Variants in GATAD2B observed in about 807,000 individuals in gnomAD.
The protein encoded by GATAD2B is transcriptional repressor p66-beta.
A neutral mutation model predicts 64.3 loss-of-function variants in GATAD2B; 8 were observed. The ratio of observed to expected loss-of-function variants is 0.12; its 90% CI spans 0.07 to 0.22. The LOEUF is 0.22. GATAD2B is among the 10% of genes least tolerant of loss of function. The pLI is 1.00. For synonymous variants in GATAD2B, 281 were observed against 271.3 expected, an observed-to-expected ratio of 1.04 and a Z score of -0.35; for missense variants, 453 against 752.0, an observed-to-expected ratio of 0.60 and a Z score of 4.65.
At chr1:153,855,646 A>G (rs1209107694) in intron 1 of GATAD2B, among the ~76,000 whole-genome samples, 1 of 152,152 alleles carries the variant, frequency 6.6e-6, no homozygotes. Flanking sequence ...ATTAGGCTAA[A>G]TTCAAGGTAT....
chr1:153,808,504 A>C lies in GATAD2B; in HGVS notation c.*1673T>G, dbSNP rs1017610331. 6.6e-6 allele frequency: 1 copy of C among 152,634 alleles called. No individual in the cohort carries two copies. Among genetic ancestry groups the C allele is most frequent in the African/African-American group, 2.4e-5 (1 of 41,446 alleles). 9.5% of individuals were successfully genotyped at this position (152,634 alleles called of 1,614,324 possible). A position where few individuals can be genotyped will look rare whatever the true frequency, so the allele number is the denominator to read the frequency against. On this transcript the variant is annotated 3_prime_UTR_variant, in exon 11 of 11. Transcript: ENST00000368655. The stretch of plus-strand genomic sequence containing the variant: ...AAAATTACTTAATTTTAAAAAATAA[A>C]AGTGGGGAAACTTCCTCAGGTGACT...
intron 1 of GATAD2B, among the ~76,000 whole-genome samples, chr1:153,868,703 GT>G (rs1372072329): frequency 6.7e-6 from 1 of 149,926 alleles, no homozygotes; most frequent in Admixed American, 6.7e-5. Flanking sequence ...TTATTCACAT[GT>G]CACCAGTTTT....
chr1:153,886,174 T>G (rs1444790581), intron 1 of GATAD2B, among the ~76,000 whole-genome samples: 1 of 152,254 alleles, frequency 6.6e-6, no homozygotes, highest in Non-Finnish European at 1.5e-5. Context: ...TGTCCCCATT[T>G]TAACATACAG....
Position 153,818,187 on chromosome 1 carries a change from G to A in GATAD2B, c.598-16C>T. 6.3e-7 allele frequency: 1 copy of A among 1,582,138 alleles called. No individual in the cohort carries two copies. The highest frequency in any genetic ancestry group is 1.2e-5 in the South Asian group (1 of 86,892). Reference sequence around the variant, plus strand: ...CAACTGGAGTCTGGGAGAGGGAAGAGAAAATAAGACTGTGGCCAATAATCA... The same window carrying A: ...CAACTGGAGTCTGGGAGAGGGAAGAAAAAATAAGACTGTGGCCAATAATCA... On this transcript the variant is annotated splice_polypyrimidine_tract_variant and intron_variant, in intron 4 of 10. Transcript: ENST00000368655.
rs1557783180 is a variant in GATAD2B, at chr1:153,818,933, A to G, written c.466-11T>C. The G allele has an allele frequency of 1.2e-6, 2 of 1,607,498 alleles. No individual in the cohort carries two copies. Among genetic ancestry groups the G allele is most frequent in the Non-Finnish European group, 8.5e-7 (1 of 1,179,658 alleles). ...CTCAATGCCTTTCCCCTAAGGAAAC[A>G]AGAAGACTTTCAGCTATGGCAGCAA... On this transcript the variant is annotated splice_polypyrimidine_tract_variant and intron_variant, in intron 3 of 10. Coordinates refer to ENST00000368655, the MANE Select transcript of GATAD2B (RefSeq NM_020699.4).
chr1:153,839,386 AG>A (rs1675395389), intron 1 of GATAD2B, among the ~76,000 whole-genome samples: 1 of 152,126 alleles, frequency 6.6e-6, no homozygotes, highest in Admixed American at 6.6e-5. Flanking sequence ...TAACATATAT[AG>A]GAGTACCTGG....
chr1:153,922,386 G>A (rs1313547188), intron 1 of GATAD2B, among the ~76,000 whole-genome samples: 2 of 151,114 alleles, frequency 1.3e-5, no homozygotes, highest in Non-Finnish European at 1.5e-5. Flanking sequence ...GAAACGGGGC[G>A]TGAGGGAGGG....
chr1:153,867,869 C>CA lies in GATAD2B; in HGVS notation c.-1-39522dup, dbSNP rs1395046861. On this transcript the variant is annotated intron_variant, in intron 1 of 10. Transcript: ENST00000368655. ...AGTGAGACTCCGTCTCAAAAAACAA[C>CA]AAAAAAAAGAGTCACCATATTAGAA... is the stretch of plus-strand genomic sequence containing the variant. Among the ~76,000 whole-genome samples the CA allele has an allele frequency of 6.0e-5, 9 of 149,604 alleles. No homozygotes were observed. The South Asian group carries it at 6.4e-4, about 11-fold the overall frequency.
chr1:153,861,339 G>A (rs916793226), intron 1 of GATAD2B, among the ~76,000 whole-genome samples: 1 of 151,850 alleles, frequency 6.6e-6, no homozygotes, highest in African/African-American at 2.4e-5. Flanking sequence ...ATCACTTAAG[G>A]CCAGGAGTTC....
chr1:153,895,673 C>T (rs952370414), intron 1 of GATAD2B, among the ~76,000 whole-genome samples: 5 of 151,988 alleles, frequency 3.3e-5, no homozygotes, highest in Admixed American at 1.3e-4. Flanking sequence ...AATTTATTGA[C>T]AATATAATGA....
chr1:153,907,723 C>G (rs1290776399), intron 1 of GATAD2B, among the ~76,000 whole-genome samples: 3 of 151,408 alleles, frequency 2.0e-5, no homozygotes, highest in Admixed American at 2.0e-4. Context: ...ACTGCAACCT[C>G]TGCCTCCCAG....
intron 1 of GATAD2B, among the ~76,000 whole-genome samples, chr1:153,897,030 A>G (rs1677616592): frequency 7.0e-6 from 1 of 142,374 alleles, no homozygotes; most frequent in African/African-American, 2.5e-5. Flanking sequence ...AGCTCTTAGA[A>G]CACTTTTTTT....
intron 1 of GATAD2B, among the ~76,000 whole-genome samples, chr1:153,904,140 C>A (rs1250638292): frequency 6.6e-6 from 1 of 151,798 alleles, no homozygotes; most frequent in African/African-American, 2.4e-5. Context: ...ATTAGCCGGG[C>A]GTGGTGGCAG....
At chr1:153,834,702 C>T (rs1033668766) in intron 1 of GATAD2B, among the ~76,000 whole-genome samples, 2 of 152,166 alleles carry the variant, frequency 1.3e-5, no homozygotes, top group African/African-American at 4.8e-5. Context: ...AAACTATCAA[C>T]ACTAACAGGA....
chr1:153,828,515 T>C (rs1443324529), intron 1 of GATAD2B, among the ~76,000 whole-genome samples, 167 bp from the exon 2 acceptor site: 2 of 151,964 alleles, frequency 1.3e-5, no homozygotes, highest in African/African-American at 2.4e-5. Flanking sequence ...AACTAAGCTA[T>C]GTCCTACCTG....
intron 1 of GATAD2B, chr1:153,889,723 T>A: frequency 1.8e-6 from 1 of 570,092 alleles, no homozygotes; most frequent in Non-Finnish European, 2.2e-6. Context: ...ACATTAAAAT[T>A]AACTGTAAAG....
chr1:153,849,393 A>G (rs1675808685), intron 1 of GATAD2B, among the ~76,000 whole-genome samples: 1 of 152,230 alleles, frequency 6.6e-6, no homozygotes, highest in Non-Finnish European at 1.5e-5. Flanking sequence ...TACAATGTCA[A>G]TTAAATTTCA....
intron 1 of GATAD2B, among the ~76,000 whole-genome samples, chr1:153,839,464 GA>G (rs1347286295): frequency 6.6e-6 from 1 of 152,122 alleles, no homozygotes; most frequent in Non-Finnish European, 1.5e-5. Context: ...TCAGAGAACA[GA>G]AAAATCTAAA....
At chr1:153,892,692 CTTTTTTTTTTT>C (rs144331770) in intron 1 of GATAD2B, among the ~76,000 whole-genome samples, 2 of 97,872 alleles carry the variant, frequency 2.0e-5, no homozygotes, top group Admixed American at 2.2e-4. Context: ...TGTAAGAAAC[CTTTTTTTTTTT>C]TTTTTTTTTT....
Sources: gnomAD v4.1 joint callset for allele counts (sites outside exome capture counted in the v4.1 genomes callset) on GRCh38, gnomAD v4.1.1 for gene constraint, MANE v1.5 for transcripts, NCBI Gene and HGNC (gene_info 2026-07-23, HGNC 2026-07-21) for gene names.